The following IGF2R variants were observed in gnomAD, a reference collection of about 807,000 sequenced individuals.
The protein encoded by IGF2R is cation-independent mannose-6-phosphate receptor.
Under a neutral mutation model 270.6 loss-of-function variants are expected in IGF2R, and 91 were observed. The ratio of observed to expected loss-of-function variants is 0.34; its 90% CI spans 0.28 to 0.40. The LOEUF (loss-of-function observed/expected upper bound fraction) is 0.40. Among genes scored for constraint, IGF2R ranks in the 10% least tolerant of loss-of-function variants. The pLI is 1.00. For missense variants in IGF2R, 2,805 were observed against 3,188.3 expected (o/e 0.88, Z 2.90); for synonymous variants, 1,316 against 1,258.9 (o/e 1.05, Z -0.96).
At chr6:160,080,961 CA>C (rs35843483) in intron 39 of IGF2R, among the ~76,000 whole-genome samples, 63,295 of 137,302 alleles carry the variant, frequency 0.46, 14,371 homozygotes, top group East Asian at 0.67. Flanking sequence ...ACTAAAAATA[CA>C]AAAAAAAAAA....
intron 11 of IGF2R, 113 bp from the exon 12 acceptor site, chr6:160,043,035 C>T (rs768633199): frequency 2.7e-5 from 30 of 1,130,990 alleles, no homozygotes; most frequent in African/African-American, 4.7e-5. Flanking sequence ...GATTGAGTGA[C>T]GAAGTGGTTT....
chr6:160,087,092 C>A (rs1779112254), intron 41 of IGF2R, among the ~76,000 whole-genome samples: 1 of 152,206 alleles, frequency 6.6e-6, no homozygotes, highest in Admixed American at 6.5e-5. Context: ...CATGTACTCA[C>A]TTTTCTCTCA....
chr6:159,987,592 A>G (rs1184365717), intron 1 of IGF2R, among the ~76,000 whole-genome samples: 2 of 152,130 alleles, frequency 1.3e-5, no homozygotes, highest in Non-Finnish European at 2.9e-5. Flanking sequence ...GAGTTTCACC[A>G]TACTGGTCAG....
At position 160,085,071 on chromosome 6, in the gene IGF2R, A is replaced by G; in HGVS notation, c.6145A>G (p.Thr2049Ala). ...CSERASICRR[T>A]TTGDVQVLGL... ...TGAAAGGGCCAGCATTTGCAGAAGG[A>G]CCACAACTGGTGACGTCCAGGTCCT... Residue 2049 changes from threonine (T) to alanine (A), a missense_variant, in exon 41 of 48, where the codon ACC becomes GCC. By Grantham distance (58) the Thr-to-Ala change is moderately conservative. Coordinates refer to ENST00000356956, the MANE Select transcript of IGF2R (RefSeq NM_000876.4). The G allele has an allele frequency of 6.2e-7, 1 of 1,614,138 alleles. No individual in the cohort carries two copies. The highest frequency in any genetic ancestry group is 8.5e-7 in the Non-Finnish European group (1 of 1,180,022).
At chr6:160,065,848 AT>A (rs958600824) in intron 29 of IGF2R, among the ~76,000 whole-genome samples, 3 of 123,126 alleles carry the variant, frequency 2.4e-5, no homozygotes, top group Non-Finnish European at 3.4e-5. Flanking sequence ...ATATATATGT[AT>A]TTTTTTTGAG....
chr6:160,021,905 C>T (rs1243042710), intron 4 of IGF2R, among the ~76,000 whole-genome samples: 1 of 152,172 alleles, frequency 6.6e-6, no homozygotes, highest in Admixed American at 6.5e-5. Flanking sequence ...TAAAAGAAAT[C>T]TGTCTGTCAA....
chr6:160,046,581 G>T lies in IGF2R; in HGVS notation c.1987G>T (p.Val663Leu), dbSNP rs1229085860. Reference protein sequence around the residue: ...ETKKYDFYINVCGPVSVSPCQ... With the variant: ...ETKKYDFYINLCGPVSVSPCQ... ...AAAGAAGTATGACTTTTATATAAAT[G>T]TGTGTGGCCCGGTGTCTGTGAGCCC... The change falls in exon 15 of 48, where the codon GTG (valine) becomes TTG (leucine). Residue 663 changes from valine to leucine, a missense_variant. Transcript: ENST00000356956. The T allele has an allele frequency of 3.7e-6, 6 of 1,614,044 alleles. No homozygotes were observed. The highest frequency in any genetic ancestry group is 4.2e-6 in the Non-Finnish European group (5 of 1,180,024).
chr6:159,998,926 G>T lies in IGF2R; in HGVS notation c.289+7603G>T, dbSNP rs942617421. Among the ~76,000 whole-genome samples, 1 of 152,194 alleles carries T rather than the reference G, an allele frequency of 6.6e-6. No homozygotes were observed. Among genetic ancestry groups the T allele is most frequent in the African/African-American group, 2.4e-5 (1 of 41,444 alleles). On this transcript the variant is annotated intron_variant, in intron 2 of 47. Transcript: ENST00000356956. This position sits in a 1 kb window ranked among gnomAD's most constrained non-coding sequence, Gnocchi z 4.1. Reference sequence around the variant, plus strand: ...TTAATTCATTCAACAACCCTTTAAAGTAGGTGATTTCATTTCCCTCATGTT... The same window carrying T: ...TTAATTCATTCAACAACCCTTTAAATTAGGTGATTTCATTTCCCTCATGTT...
chr6:160,082,599 C>T (rs563531083), intron 39 of IGF2R, among the ~76,000 whole-genome samples: 44 of 151,752 alleles, frequency 2.9e-4, no homozygotes, highest in South Asian at 8.3e-4. Context: ...CGTGAGCCAC[C>T]GCGCCCAGCT....
rs552877969 is a variant in IGF2R, at chr6:159,975,445, AT to A, written c.149+6053del. On this transcript the variant is annotated intron_variant, in intron 1 of 47. Transcript: ENST00000356956. ...TTTATGGAAGCTTCAGGAGGTCAGC[AT>A]TTCTTCTCCCGGGTATAGGGTGGGA... Among the ~76,000 whole-genome samples the A allele has an allele frequency of 1.6e-3, 240 of 152,044 alleles. 1 individual carries two copies. Among genetic ancestry groups the A allele is most frequent in the African/African-American group, 5.4e-3 (224 of 41,486 alleles).
At chr6:159,995,621 G>A (rs1356930038) in intron 2 of IGF2R, among the ~76,000 whole-genome samples, 1 of 151,994 alleles carries the variant, frequency 6.6e-6, no homozygotes, top group Non-Finnish European at 1.5e-5. Flanking sequence ...TGCTGTTCAA[G>A]CTTTCAACTG....
At chr6:159,970,542 A>T (rs1392474435) in intron 1 of IGF2R, among the ~76,000 whole-genome samples, 1 of 152,144 alleles carries the variant, frequency 6.6e-6, no homozygotes, top group Non-Finnish European at 1.5e-5. Flanking sequence ...GGTGAGGCTG[A>T]TCTCACGATA....
chr6:160,065,814 G>GTGTGTA lies in IGF2R; in HGVS notation c.4115+914_4115+915insGTGTAT. 1.2e-3 allele frequency among the ~76,000 whole-genome samples: 92 copies of GTGTGTA among 78,376 alleles called. 1 individual carries two copies. The highest frequency in any genetic ancestry group is 3.9e-3 in the African/African-American group (69 of 17,760). 51.4% of individuals were successfully genotyped at this position (78,376 alleles called of 152,430 possible). On this transcript the variant is annotated intron_variant, in intron 29 of 47. Transcript: ENST00000356956. ...TGTGTGTGTGTGTGTGTGTGTGTGT[G>GTGTGTA]TATATATATATATATATATATATAT...
In IGF2R at chr6:160,090,059, G is replaced by A. The variant is rs1394738978; in HGVS notation, c.6611G>A (p.Ser2204Asn). ...CQVKPNDQHF[S>N]RKVGTSDKTK... Reference sequence around the variant, plus strand: ...GTGAAGCCCAACGATCAGCACTTCAGTCGGAAAGTTGGAACCTCTGACAAG... The same window carrying A: ...GTGAAGCCCAACGATCAGCACTTCAATCGGAAAGTTGGAACCTCTGACAAG... Residue 2204 changes from serine to asparagine, a missense_variant, in exon 44 of 48, where the codon AGT (serine) becomes AAT (asparagine). This residue lies in a region of IGF2R where 1,851 missense variants were observed against 2,207.2 expected (regional missense o/e 0.84). Transcript: ENST00000356956. The A allele has an allele frequency of 4.4e-6, 7 of 1,588,166 alleles. No individual in the cohort carries two copies. The highest frequency in any genetic ancestry group is 1.4e-5 in the African/African-American group (1 of 73,812).
intron 35 of IGF2R, among the ~76,000 whole-genome samples, chr6:160,074,415 A>G (rs761031893): frequency 2.0e-5 from 3 of 152,214 alleles, no homozygotes; most frequent in African/African-American, 2.4e-5. Flanking sequence ...CTAATAGCTA[A>G]ATATTTTGCC....
intron 4 of IGF2R, among the ~76,000 whole-genome samples, chr6:160,021,759 G>A (rs1214634413): frequency 6.6e-6 from 1 of 151,988 alleles, no homozygotes; most frequent in Non-Finnish European, 1.5e-5. Context: ...AGAAAAAAAA[G>A]AGAACACTTA....
intron 17 of IGF2R, 87 bp from the exon 18 acceptor site, chr6:160,048,288 G>A: frequency 1.5e-6 from 2 of 1,291,462 alleles, no homozygotes; most frequent in Non-Finnish European, 2.2e-6. Context: ...TTATTTGGTA[G>A]CTTTACTTCC....
chr6:160,079,013 C>T (rs969861338), intron 37 of IGF2R, among the ~76,000 whole-genome samples: 8 of 152,168 alleles, frequency 5.3e-5, no homozygotes, highest in African/African-American at 1.9e-4. Flanking sequence ...TACGGAACCC[C>T]AGCACCTGCT....
intron 10 of IGF2R, among the ~76,000 whole-genome samples, chr6:160,035,461 G>A (rs1338208134): frequency 6.6e-6 from 1 of 152,130 alleles, no homozygotes; most frequent in African/African-American, 2.4e-5. Context: ...CCCTGCCCTG[G>A]TAGCACCGCA....
Sources: gnomAD v4.1 joint callset for allele counts (sites outside exome capture counted in the v4.1 genomes callset) on GRCh38, gnomAD v4.1.1 for gene constraint, gnomAD v4.1.1 regional missense constraint, Gnocchi (gnomAD v3.1) non-coding constraint, MANE v1.5 for transcripts, NCBI Gene and HGNC (gene_info 2026-07-23, HGNC 2026-07-21) for gene names.